The following EIF4G3 variants were observed in gnomAD, a reference collection of about 807,000 sequenced individuals.
EIF4G3 encodes the protein eukaryotic translation initiation factor 4 gamma 3.
Under a neutral mutation model 186.4 loss-of-function variants are expected in EIF4G3, and 34 were observed. The ratio of observed to expected loss-of-function variants is 0.18; its 90% CI spans 0.14 to 0.24. EIF4G3 has a LOEUF of 0.24. Among genes scored for constraint, EIF4G3 ranks in the 10% least tolerant of loss-of-function variants. The pLI, the probability that EIF4G3 is intolerant of heterozygous loss-of-function variation, is 1.00. For synonymous variants in EIF4G3, 673 were observed against 679.5 expected, an observed-to-expected ratio of 0.99 and a Z score of 0.15; for missense variants, 1,536 against 1,948.5, an observed-to-expected ratio of 0.79 and a Z score of 3.99.
chr1:20,941,765 G>A lies in EIF4G3; in HGVS notation c.1389C>T (p.Thr463=). 1 of 1,611,994 alleles carries A rather than the reference G, an allele frequency of 6.2e-7. No homozygotes were observed. The highest frequency in any genetic ancestry group is 8.5e-7 in the Non-Finnish European group (1 of 1,178,886). ...MKLECIPAPI[T]PSTVPSFPPT... is the part of the protein sequence containing the mutation. ...GAGGAAAGGAAGGAACTGTGGAAGG[G>A]GTGATGGGAGCTGGGATACACTCCA... The change falls in exon 14 of 37, where the codon ACC becomes ACT. Residue 463 remains threonine (T), a synonymous_variant. Coordinates refer to ENST00000602326, the MANE Select transcript of EIF4G3 (RefSeq NM_001391906.1).
intron 6 of EIF4G3, among the ~76,000 whole-genome samples, chr1:21,000,569 G>A (rs2154568795): frequency 6.7e-6 from 1 of 149,152 alleles, no homozygotes; most frequent in South Asian, 2.1e-4. Context: ...CCAAATTTCA[G>A]ACCCCAACTT....
chr1:21,076,458 C>G (rs1159651738), intron 3 of EIF4G3, among the ~76,000 whole-genome samples: 1 of 151,916 alleles, frequency 6.6e-6, no homozygotes, highest in Non-Finnish European at 1.5e-5. Context: ...CCACTGCACT[C>G]CAGCCTGGGA....
At chr1:21,035,828 G>C (rs899442673) in intron 4 of EIF4G3, among the ~76,000 whole-genome samples, 1 of 152,182 alleles carries the variant, frequency 6.6e-6, no homozygotes, top group Non-Finnish European at 1.5e-5. Context: ...CTAGGGGTGG[G>C]CTACCCATCC....
At chr1:21,169,179 G>A (rs550831176) in intron 2 of EIF4G3, among the ~76,000 whole-genome samples, 63 of 151,832 alleles carry the variant, frequency 4.1e-4, no homozygotes, top group Middle Eastern at 3.4e-3. Flanking sequence ...GGCAAGGCGC[G>A]GTGGCTCACA....
chr1:21,099,756 A>C (rs1199124416), intron 2 of EIF4G3, among the ~76,000 whole-genome samples: 4 of 152,212 alleles, frequency 2.6e-5, no homozygotes, highest in African/African-American at 7.2e-5. Context: ...AGGTTACAAA[A>C]ACCATTCATT....
intron 20 of EIF4G3, among the ~76,000 whole-genome samples, chr1:20,873,613 AT>A (rs33949056): frequency 6.7e-6 from 1 of 149,998 alleles, no homozygotes; most frequent in African/African-American, 2.5e-5. Flanking sequence ...TTAAAATGGG[AT>A]TTTTTTTTCA....
intron 2 of EIF4G3, among the ~76,000 whole-genome samples, chr1:21,129,013 G>A (rs1226918384): frequency 1.3e-5 from 2 of 152,016 alleles, no homozygotes; most frequent in South Asian, 2.1e-4. Context: ...AGAGATGGTC[G>A]GTTGTAATAC....
chr1:21,084,287 G>A (rs1045731402), intron 3 of EIF4G3, among the ~76,000 whole-genome samples: 13 of 151,460 alleles, frequency 8.6e-5, no homozygotes, highest in African/African-American at 3.2e-4. Context: ...ACAGTTCCAC[G>A]TGGCTGGGGA....
At chr1:20,903,698 C>T (rs1043764889) in intron 15 of EIF4G3, among the ~76,000 whole-genome samples, 2 of 152,074 alleles carry the variant, frequency 1.3e-5, no homozygotes, top group Non-Finnish European at 2.9e-5. Flanking sequence ...AACACAGCAT[C>T]ATGTAACAGC....
chr1:21,023,101 T>C (rs2091142880), intron 4 of EIF4G3, among the ~76,000 whole-genome samples: 1 of 152,200 alleles, frequency 6.6e-6, no homozygotes, highest in Non-Finnish European at 1.5e-5. Flanking sequence ...TTTTCTTTTT[T>C]GTTTGCAGTA....
chr1:20,912,293 A>T (rs987137280), intron 14 of EIF4G3, among the ~76,000 whole-genome samples: 71 of 152,308 alleles, frequency 4.7e-4, no homozygotes, highest in Non-Finnish European at 6.5e-4. Context: ...AAATTTTTAA[A>T]AAATTAATAA....
chr1:20,855,419 T>C (rs747690353), intron 25 of EIF4G3, among the ~76,000 whole-genome samples: 12 of 152,180 alleles, frequency 7.9e-5, no homozygotes, highest in Non-Finnish European at 1.6e-4. Flanking sequence ...AAAATACAAA[T>C]ACTACAAAAT....
intron 3 of EIF4G3, among the ~76,000 whole-genome samples, chr1:21,076,503 A>G (rs2095593331): frequency 1.3e-5 from 2 of 152,090 alleles, no homozygotes; most frequent in South Asian, 4.1e-4. Context: ...AAATAAAAAT[A>G]AAAAATAAAA....
intron 2 of EIF4G3, among the ~76,000 whole-genome samples, chr1:21,142,820 TAACTC>T (rs2097363448): frequency 6.6e-6 from 1 of 151,976 alleles, no homozygotes; most frequent in Admixed American, 6.5e-5. Flanking sequence ...AAAACAGAAA[TAACTC>T]AAGTAGATTA....
At chr1:20,966,520 C>T (rs1310377514) in intron 12 of EIF4G3, among the ~76,000 whole-genome samples, 1 of 150,932 alleles carries the variant, frequency 6.6e-6, no homozygotes, top group African/African-American at 2.4e-5. Context: ...GTTGCCCAGG[C>T]TGGAATGCAG....
At chr1:20,807,594 G>T in intron 36 of EIF4G3, 94 bp from the exon 37 acceptor site, 2 of 1,108,960 alleles carry the variant, frequency 1.8e-6, no homozygotes, top group Non-Finnish European at 2.4e-6. Context: ...GAATAAATGT[G>T]CATTAATTCC....
intron 24 of EIF4G3, among the ~76,000 whole-genome samples, chr1:20,858,154 C>T (rs2075478277): frequency 6.6e-6 from 1 of 152,142 alleles, no homozygotes. Context: ...CAGTGTGATC[C>T]TAGTAAAGTA....
At chr1:20,839,351 T>C (rs986213955) in intron 30 of EIF4G3, among the ~76,000 whole-genome samples, 1 of 152,132 alleles carries the variant, frequency 6.6e-6, no homozygotes, top group African/African-American at 2.4e-5. Flanking sequence ...GACCTCGTGA[T>C]CTGCCCACCT....
rs1158513058 is a variant in EIF4G3 at position 20,961,361 on chromosome 1, G to T, written c.714+8113C>A. Among the ~76,000 whole-genome samples the T allele has an allele frequency of 3.3e-5, 5 of 152,096 alleles. No individual in the cohort carries two copies. The South Asian group carries it at 8.3e-4, about 25-fold the overall frequency. ...TTGCACAACTGCACTCCAGCCTGGT[G>T]ACAGAGCAAGACTCCGTCTCAAAAA... On this transcript the variant is annotated intron_variant, in intron 12 of 36. Transcript: ENST00000602326.
Sources: allele counts gnomAD v4.1 joint callset (sites outside exome capture counted in the v4.1 genomes callset), GRCh38; gene constraint gnomAD v4.1.1; transcripts MANE v1.5; gene names NCBI Gene and HGNC (gene_info 2026-07-23, HGNC 2026-07-21).